Variants in PCDH9 observed in about 807,000 individuals in gnomAD.
PCDH9 encodes the protein protocadherin 9.
Under a neutral mutation model 70.6 loss-of-function variants are expected in PCDH9, and 24 were observed. The ratio of observed to expected loss-of-function variants is 0.34; its 90% CI spans 0.25 to 0.48. The LOEUF is 0.48. PCDH9 is among the 20% of genes least tolerant of loss of function. The pLI, the probability that PCDH9 is intolerant of heterozygous loss-of-function variation, is 0.99. For synonymous variants in PCDH9, 562 were observed against 558.5 expected, an observed-to-expected ratio of 1.01 and a Z score of -0.09; for missense variants, 1,281 against 1,503.6, an observed-to-expected ratio of 0.85 and a Z score of 2.45.
intron 4 of PCDH9, among the ~76,000 whole-genome samples, chr13:66,553,010 G>A (rs1057378095): frequency 6.6e-6 from 1 of 152,000 alleles, no homozygotes; most frequent in Non-Finnish European, 1.5e-5. Flanking sequence ...GTGAGAACTC[G>A]CTATCACAAG....
At chr13:67,029,550 C>A (rs2139881010) in intron 2 of PCDH9, among the ~76,000 whole-genome samples, 2 of 152,274 alleles carry the variant, frequency 1.3e-5, no homozygotes, top group East Asian at 3.9e-4. Flanking sequence ...CCTATGTTCC[C>A]TAGAAAGCAG....
At chr13:66,825,571 G>A (rs183077432) in intron 3 of PCDH9, among the ~76,000 whole-genome samples, 2,949 of 151,688 alleles carry the variant, frequency 0.019, 88 homozygotes, top group African/African-American at 0.067. Context: ...TCCTGACCTC[G>A]TGATCCGCCC....
chr13:67,159,625 A>T lies in PCDH9; in HGVS notation c.3036+65780T>A, dbSNP rs547786202. On this transcript the variant is annotated intron_variant, in intron 2 of 4. Transcript: ENST00000377865. ...CTTGAGATTTGCAGTTTATTTAAAC[A>T]TTCTCATTAAAACCTTTAAGATAAC... 2.6e-5 allele frequency among the ~76,000 whole-genome samples: 4 copies of T among 152,368 alleles called. No homozygotes were observed. In the South Asian group the frequency reaches 6.2e-4, roughly 24 times the overall value.
intron 4 of PCDH9, among the ~76,000 whole-genome samples, chr13:66,606,652 C>T (rs1233965747): frequency 6.6e-6 from 1 of 152,084 alleles, no homozygotes; most frequent in Non-Finnish European, 1.5e-5. Context: ...ATAAATATTG[C>T]TTTAGTACGT....
chr13:66,377,167 G>A (rs991168569), intron 4 of PCDH9, among the ~76,000 whole-genome samples: 2 of 152,122 alleles, frequency 1.3e-5, no homozygotes, highest in Admixed American at 6.6e-5. Flanking sequence ...CACATGGACC[G>A]AAGTGGGACA....
At chr13:66,825,365 T>C (rs1352836627) in intron 3 of PCDH9, 1 of 125,316 alleles carries the variant, frequency 8.0e-6, no homozygotes, top group South Asian at 2.6e-4. Context: ...GAGACGGAGT[T>C]TCGCTCTGTC....
At chr13:67,091,131 C>T (rs2138211224) in intron 2 of PCDH9, among the ~76,000 whole-genome samples, 1 of 152,176 alleles carries the variant, frequency 6.6e-6, no homozygotes, top group East Asian at 1.9e-4. Flanking sequence ...TTTGTTTCTC[C>T]TCCAATGACT....
chr13:66,710,837 GTCGCATC>G (rs749639391), intron 3 of PCDH9, among the ~76,000 whole-genome samples: 13 of 151,952 alleles, frequency 8.6e-5, no homozygotes, highest in Non-Finnish European at 1.8e-4. Flanking sequence ...ATCCAGCAAG[GTCGCATC>G]TCTTAACCAT....
intron 2 of PCDH9, among the ~76,000 whole-genome samples, chr13:66,935,531 T>C (rs1303952308): frequency 6.6e-6 from 1 of 152,146 alleles, no homozygotes; most frequent in Non-Finnish European, 1.5e-5. Context: ...GAAAATAAGC[T>C]CTACCTAGGT....
chr13:66,408,936 G>C (rs916960878), intron 4 of PCDH9, among the ~76,000 whole-genome samples: 1 of 152,022 alleles, frequency 6.6e-6, no homozygotes, highest in East Asian at 1.9e-4. Context: ...TACTTCTAAG[G>C]CTATAGAAAC....
chr13:66,697,886 T>A (rs865864912), intron 3 of PCDH9, among the ~76,000 whole-genome samples: 1 of 152,218 alleles, frequency 6.6e-6, no homozygotes. Flanking sequence ...AATTTCTATC[T>A]ATGGATGAAT....
chr13:66,652,468 A>G (rs2138994043), intron 3 of PCDH9, among the ~76,000 whole-genome samples: 1 of 152,188 alleles, frequency 6.6e-6, no homozygotes, highest in African/African-American at 2.4e-5. Context: ...ACATTGATAA[A>G]AGAAATTAAA....
intron 4 of PCDH9, among the ~76,000 whole-genome samples, chr13:66,431,772 C>G (rs1435659289): frequency 6.6e-6 from 1 of 151,908 alleles, no homozygotes; most frequent in Non-Finnish European, 1.5e-5. Flanking sequence ...TAGAAAGAGG[C>G]TTTATAAAAC....
At chr13:66,329,438 C>G (rs1955901479) in intron 4 of PCDH9, among the ~76,000 whole-genome samples, 1 of 152,168 alleles carries the variant, frequency 6.6e-6, no homozygotes, top group Admixed American at 6.5e-5. Flanking sequence ...AACTAATTAT[C>G]CCACCTCCCC....
At chr13:66,975,528 C>G (rs1351320720) in intron 2 of PCDH9, among the ~76,000 whole-genome samples, 4 of 151,854 alleles carry the variant, frequency 2.6e-5, no homozygotes, top group African/African-American at 7.3e-5. Context: ...CCAAGTGCAC[C>G]CAGCTAGTGA....
At chr13:66,646,954 A>T (rs1467621447) in intron 3 of PCDH9, among the ~76,000 whole-genome samples, 1 of 152,156 alleles carries the variant, frequency 6.6e-6, no homozygotes, top group African/African-American at 2.4e-5. Context: ...GCCCTGTCAC[A>T]GTGGAAAGCA....
chr13:67,070,615 C>A (rs1468955217), intron 2 of PCDH9, among the ~76,000 whole-genome samples: 1 of 152,106 alleles, frequency 6.6e-6, no homozygotes, highest in Non-Finnish European at 1.5e-5. Context: ...TTCATCTAAG[C>A]ATTGCAATTC....
intron 3 of PCDH9, among the ~76,000 whole-genome samples, chr13:66,708,147 T>C (rs1402255491): frequency 6.6e-6 from 1 of 151,200 alleles, no homozygotes; most frequent in Non-Finnish European, 1.5e-5. Context: ...CCTCCCGGGT[T>C]CACGCCATTC....
chr13:66,868,027 A>C (rs1247269708), intron 3 of PCDH9, among the ~76,000 whole-genome samples: 6 of 152,028 alleles, frequency 3.9e-5, no homozygotes, highest in African/African-American at 1.4e-4. Context: ...TTTAAATAAT[A>C]AATTAGCTAA....
Sources: gnomAD v4.1 joint callset for allele counts (sites outside exome capture counted in the v4.1 genomes callset) on GRCh38, gnomAD v4.1.1 for gene constraint, MANE v1.5 for transcripts, NCBI Gene and HGNC (gene_info 2026-07-23, HGNC 2026-07-21) for gene names.